The following BNC2 variants were observed in gnomAD, a reference collection of about 807,000 sequenced individuals.
BNC2 encodes the protein basonuclin zinc finger protein 2, also known as zinc finger protein basonuclin-2.
In BNC2, 20 loss-of-function variants were observed where a neutral mutation model predicts 76.3. The ratio of observed to expected loss-of-function variants is 0.26; its 90% CI spans 0.18 to 0.38. The LOEUF is 0.38. Ranked by LOEUF, BNC2 falls within the 10% of genes least tolerant of loss-of-function variation. The pLI is 1.00. For missense variants in BNC2, 1,382 were observed against 1,399.8 expected, an observed-to-expected ratio of 0.99 and a Z score of 0.20; for synonymous variants, 582 against 514.8, an observed-to-expected ratio of 1.13 and a Z score of -1.77.
chr9:16,558,490 C>A (rs1312269636), intron 4 of BNC2, among the ~76,000 whole-genome samples: 1 of 152,166 alleles, frequency 6.6e-6, no homozygotes, highest in African/African-American at 2.4e-5. Context: ...CATGAGCCAA[C>A]AAAATCTGTA....
intron 5 of BNC2, among the ~76,000 whole-genome samples, chr9:16,542,100 T>C (rs1162224802): frequency 5.9e-5 from 9 of 152,128 alleles, no homozygotes. Flanking sequence ...TCTGACACTA[T>C]TATTATGGCT....
chr9:16,813,801 G>C (rs773647531), intron 1 of BNC2, among the ~76,000 whole-genome samples: 1 of 152,074 alleles, frequency 6.6e-6, no homozygotes, highest in Non-Finnish European at 1.5e-5. Context: ...CACTTGGTTG[G>C]TTTTTTGTTT....
rs144732047 is a variant in BNC2 at position 16,492,269 on chromosome 9, T to C, written c.670-54745A>G. Reference sequence around the variant, plus strand: ...ATTCATGTCTAAGTTCCAGGTTCACTTTAAAGCAGCAAGAGGTGAAAATCT... The same window carrying C: ...ATTCATGTCTAAGTTCCAGGTTCACCTTAAAGCAGCAAGAGGTGAAAATCT... On this transcript the variant is annotated intron_variant, in intron 5 of 6. Coordinates refer to ENST00000380672, the MANE Select transcript of BNC2 (RefSeq NM_017637.6). Among the ~76,000 whole-genome samples the C allele has an allele frequency of 4.7e-3, 721 of 152,334 alleles. 2 individuals carry two copies. The highest frequency in any genetic ancestry group is 0.01 in the Middle Eastern group (3 of 294).
intron 5 of BNC2, among the ~76,000 whole-genome samples, chr9:16,511,104 AC>A (rs1187084724): frequency 8.8e-6 from 1 of 113,602 alleles, no homozygotes; most frequent in Non-Finnish European, 1.9e-5. Context: ...CACTAAACTT[AC>A]TTTTTTTTTT....
chr9:16,752,123 A>G (rs1825235757), intron 1 of BNC2, among the ~76,000 whole-genome samples: 1 of 152,204 alleles, frequency 6.6e-6, no homozygotes, highest in Admixed American at 6.5e-5. Context: ...ATTTCTTTTA[A>G]GAAATTACGT....
chr9:16,585,343 G>T (rs1819739121), intron 3 of BNC2, among the ~76,000 whole-genome samples: 1 of 152,004 alleles, frequency 6.6e-6, no homozygotes, highest in African/African-American at 2.4e-5. Context: ...CAACTTTTTA[G>T]ATCATTATTC....
chr9:16,616,790 G>GGGAAGGAAGGAAGGGAGGAAGGAGGGAA (rs1820713331), intron 3 of BNC2, among the ~76,000 whole-genome samples: 1 of 10,338 alleles, frequency 9.7e-5, no homozygotes, highest in African/African-American at 1.5e-4. Flanking sequence ...GGAGGAAGGA[G>GGGAAGGAAGGAAGGGAGGAAGGAGGGAA]GGAAGGAAGG....
intron 5 of BNC2, among the ~76,000 whole-genome samples, chr9:16,531,839 A>G (rs1236456422): frequency 6.6e-6 from 1 of 152,110 alleles, no homozygotes; most frequent in Non-Finnish European, 1.5e-5. Flanking sequence ...TTAACATATT[A>G]TTTTATTCAA....
chr9:16,502,851 C>T (rs1052007307), intron 5 of BNC2, among the ~76,000 whole-genome samples: 1 of 152,000 alleles, frequency 6.6e-6, no homozygotes, highest in African/African-American at 2.4e-5. Flanking sequence ...GGGGTTAATC[C>T]CACAGAGGGC....
At chr9:16,813,426 C>T (rs935149646) in intron 1 of BNC2, among the ~76,000 whole-genome samples, 9 of 151,830 alleles carry the variant, frequency 5.9e-5, no homozygotes, top group Admixed American at 2.6e-4. Flanking sequence ...CCACTACGCC[C>T]GGCTAATTTT....
chr9:16,496,846 A>G (rs1822401556), intron 5 of BNC2, among the ~76,000 whole-genome samples: 1 of 152,204 alleles, frequency 6.6e-6, no homozygotes, highest in Non-Finnish European at 1.5e-5. Context: ...TGTATTTACC[A>G]GACACCCAGT....
intron 3 of BNC2, among the ~76,000 whole-genome samples, chr9:16,679,564 C>T (rs1331027348): frequency 6.6e-6 from 1 of 152,136 alleles, no homozygotes; most frequent in Non-Finnish European, 1.5e-5. Flanking sequence ...ATTAATGACA[C>T]CCCCTCAGCT....
At position 16,794,647 on chromosome 9, in the gene BNC2, T is replaced by C. The variant is rs569605910; in HGVS notation, c.4-56162A>G. Reference sequence around the variant, plus strand: ...AAAGGCACCAGAATGCAATGAACTATAATACTTTACCCATTAGGTGAGTAA... The same window carrying C: ...AAAGGCACCAGAATGCAATGAACTACAATACTTTACCCATTAGGTGAGTAA... On this transcript the variant is annotated intron_variant, in intron 1 of 6. Transcript: ENST00000380672. Among the ~76,000 whole-genome samples the C allele has an allele frequency of 1.2e-3, 183 of 152,288 alleles. 1 individual carries two copies. Among genetic ancestry groups the C allele is most frequent in the African/African-American group, 3.7e-3 (155 of 41,546 alleles).
chr9:16,494,813 C>T (rs1822352318), intron 5 of BNC2, among the ~76,000 whole-genome samples: 2 of 152,122 alleles, frequency 1.3e-5, no homozygotes, highest in South Asian at 4.2e-4. Context: ...GGGAACATCA[C>T]ACAGCAGGGC....
At chr9:16,662,369 A>C (rs1450481637) in intron 3 of BNC2, among the ~76,000 whole-genome samples, 1 of 152,236 alleles carries the variant, frequency 6.6e-6, no homozygotes, top group African/African-American at 2.4e-5. Flanking sequence ...TCTAGGAGTC[A>C]TACCTTAAAA....
chr9:16,600,446 G>A (rs980400197), intron 3 of BNC2, among the ~76,000 whole-genome samples: 5 of 152,104 alleles, frequency 3.3e-5, no homozygotes, highest in African/African-American at 1.2e-4. Context: ...TAAAGCAGAC[G>A]TAGTACAATT....
chr9:16,868,720 C>T (rs539943750), intron 1 of BNC2, among the ~76,000 whole-genome samples: 1 of 152,162 alleles, frequency 6.6e-6, no homozygotes, highest in Non-Finnish European at 1.5e-5. Flanking sequence ...CTAAGAACTT[C>T]ATTAAGACTG....
At chr9:16,846,119 G>A (rs1420450263) in intron 1 of BNC2, among the ~76,000 whole-genome samples, 1 of 142,520 alleles carries the variant, frequency 7.0e-6, no homozygotes, top group Non-Finnish European at 1.5e-5. Flanking sequence ...CAACGTGGGA[G>A]ACAGAGCGAG....
intron 4 of BNC2, chr9:16,580,224 C>T (rs1441185496): frequency 2.5e-6 from 1 of 398,346 alleles, no homozygotes; most frequent in Non-Finnish European, 4.4e-6. Context: ...ATCCCACTGC[C>T]AACTCCAAGG....
Sources: allele counts gnomAD v4.1 joint callset (sites outside exome capture counted in the v4.1 genomes callset), GRCh38; gene constraint gnomAD v4.1.1; transcripts MANE v1.5; gene names NCBI Gene and HGNC (gene_info 2026-07-23, HGNC 2026-07-21).